The following SLC4A10 variants were observed in gnomAD, a reference collection of about 807,000 sequenced individuals.
The protein encoded by SLC4A10 is sodium-driven chloride bicarbonate exchanger.
SLC4A10 carries 42 observed loss-of-function variants against 137.7 expected under a neutral mutation model. The observed-to-expected ratio is 0.30, with a 90% confidence interval of 0.24 to 0.39. SLC4A10 has a LOEUF of 0.39. Ranked by LOEUF, SLC4A10 falls within the 10% of genes least tolerant of loss-of-function variation. SLC4A10 has a pLI of 1.00. For missense variants in SLC4A10, 925 were observed against 1,355.0 expected, an observed-to-expected ratio of 0.68 and a Z score of 4.98; for synonymous variants, 474 against 464.1, an observed-to-expected ratio of 1.02 and a Z score of -0.27.
At chr2:161,940,599 A>G (rs896779893) in intron 15 of SLC4A10, among the ~76,000 whole-genome samples, 6 of 152,216 alleles carry the variant, frequency 3.9e-5, no homozygotes, top group African/African-American at 1.4e-4. Flanking sequence ...AGCTCTTTGC[A>G]AAGGAACTGA....
In SLC4A10 at chr2:161,660,560, C is replaced by A. The variant is rs150484557; in HGVS notation, c.48+35994C>A. Among the ~76,000 whole-genome samples the A allele has an allele frequency of 1.2e-3, 55 of 47,146 alleles. No homozygotes were observed. In the South Asian group the frequency reaches 0.017, roughly 15 times the overall value. 30.9% of individuals were successfully genotyped at this position (47,146 alleles called of 152,430 possible). ...ATAGTTTGTGTACTCATCTATATTT[C>A]TTTCTTTCTTTCTTTCTTTCTTTCT... On this transcript the variant is annotated intron_variant, in intron 1 of 26. Transcript: ENST00000446997.
chr2:161,734,411 T>C (rs1342895202), intron 1 of SLC4A10, among the ~76,000 whole-genome samples: 1 of 152,192 alleles, frequency 6.6e-6, no homozygotes, highest in East Asian at 1.9e-4. Flanking sequence ...TCTCTCATTT[T>C]TTCTTGCCAC....
intron 3 of SLC4A10, among the ~76,000 whole-genome samples, chr2:161,807,663 T>C (rs1442154466): frequency 1.3e-5 from 2 of 152,184 alleles, no homozygotes; most frequent in Non-Finnish European, 2.9e-5. Context: ...GTATTACTAG[T>C]AGTCTATTTA....
intron 8 of SLC4A10, among the ~76,000 whole-genome samples, chr2:161,878,097 C>A (rs1196215519): frequency 1.3e-5 from 2 of 151,970 alleles, no homozygotes; most frequent in Admixed American, 6.6e-5. Context: ...ATTAAACCTG[C>A]AAAAGAACTA....
At chr2:161,767,740 A>G (rs1016595208) in intron 1 of SLC4A10, among the ~76,000 whole-genome samples, 1 of 151,984 alleles carries the variant, frequency 6.6e-6, no homozygotes, top group African/African-American at 2.4e-5. Context: ...CTTGAAAAGG[A>G]TTTGGAATTT....
intron 1 of SLC4A10, among the ~76,000 whole-genome samples, chr2:161,674,285 G>A (rs1343208132): frequency 6.6e-6 from 1 of 152,002 alleles, no homozygotes; most frequent in Non-Finnish European, 1.5e-5. Flanking sequence ...TCTGTAAATG[G>A]GATAAAAATT....
At chr2:161,950,442 C>T (rs1370317232) in intron 18 of SLC4A10, among the ~76,000 whole-genome samples, 1 of 151,832 alleles carries the variant, frequency 6.6e-6, no homozygotes, top group African/African-American at 2.4e-5. Flanking sequence ...TACTGGATCT[C>T]TCTGTGCCTC....
chr2:161,768,275 C>T (rs931581605), intron 1 of SLC4A10, among the ~76,000 whole-genome samples: 13 of 152,046 alleles, frequency 8.6e-5, no homozygotes, highest in African/African-American at 2.9e-4. Context: ...GACTACCTGA[C>T]ATCCATAAGT....
chr2:161,674,932 C>T (rs1025563967), intron 1 of SLC4A10, among the ~76,000 whole-genome samples: 11 of 152,164 alleles, frequency 7.2e-5, no homozygotes, highest in African/African-American at 2.7e-4. Flanking sequence ...AACCAAACAC[C>T]TTTAAGCATG....
chr2:161,810,382 G>C lies in SLC4A10; in HGVS notation c.277+5787G>C. Among the ~76,000 whole-genome samples, 2 of 151,934 alleles carry C rather than the reference G, an allele frequency of 1.3e-5. 1 individual carries two copies. The highest frequency in any genetic ancestry group is 1.3e-4 in the Admixed American group (2 of 15,232). On this transcript the variant is annotated intron_variant, in intron 3 of 26. Transcript: ENST00000446997. ...TTCTTTCTCTTGCCTGATTGCTCTG[G>C]CTAGGTCTTCCTATACTATGTTAAA...
intron 15 of SLC4A10, among the ~76,000 whole-genome samples, chr2:161,919,385 G>T (rs578077673): frequency 6.6e-6 from 1 of 152,228 alleles, no homozygotes; most frequent in South Asian, 2.1e-4. Flanking sequence ...TGCCAGTTCT[G>T]CAGACTGGAG....
At chr2:161,964,047 A>C in intron 21 of SLC4A10, 88 bp from the exon 22 acceptor site, 1 of 1,213,810 alleles carries the variant, frequency 8.2e-7, no homozygotes, top group Non-Finnish European at 1.1e-6. Flanking sequence ...CATTTAACCC[A>C]AAATTGTGGA....
intron 1 of SLC4A10, among the ~76,000 whole-genome samples, chr2:161,686,496 G>GACAGTTTGACAAT (rs2041420717): frequency 6.6e-6 from 1 of 152,276 alleles, no homozygotes; most frequent in East Asian, 1.9e-4. Flanking sequence ...CTTCTTCAAG[G>GACAGTTTGACAAT]ACAGTTTGAC....
chr2:161,625,447 A>C (rs2032134080), intron 1 of SLC4A10, among the ~76,000 whole-genome samples: 1 of 151,928 alleles, frequency 6.6e-6, no homozygotes, highest in Non-Finnish European at 1.5e-5. Flanking sequence ...TTGATGCAAC[A>C]GAGATGACAG....
chr2:161,844,476 C>T (rs574274036), intron 4 of SLC4A10, among the ~76,000 whole-genome samples: 1 of 152,004 alleles, frequency 6.6e-6, no homozygotes, highest in Admixed American at 6.6e-5. Flanking sequence ...CAGCCATGTC[C>T]CCCAACTATC....
chr2:161,852,545 A>C (rs1010853780), intron 4 of SLC4A10, among the ~76,000 whole-genome samples: 1 of 152,244 alleles, frequency 6.6e-6, no homozygotes. Context: ...ACAGTAGGCA[A>C]TAAAGAAAAC....
At chr2:161,646,250 G>A (rs939968383) in intron 1 of SLC4A10, among the ~76,000 whole-genome samples, 5 of 151,942 alleles carry the variant, frequency 3.3e-5, no homozygotes, top group Non-Finnish European at 4.4e-5. Context: ...TTTATGACTC[G>A]TAGTGATAAC....
At chr2:161,827,380 A>G (rs1026475101) in intron 3 of SLC4A10, among the ~76,000 whole-genome samples, 1 of 152,192 alleles carries the variant, frequency 6.6e-6, no homozygotes, top group Admixed American at 6.5e-5. Context: ...AGCATATGCA[A>G]AACTTATCTT....
Position 161,628,747 on chromosome 2 carries a change from G to A in SLC4A10, c.48+4181G>A, listed in dbSNP as rs184889403. ...TGATTTGAATTGTTACTCTAGCATG[G>A]TGAGTGACTATGGAAATAAAATATA... is the stretch of plus-strand genomic sequence containing the variant. On this transcript the variant is annotated intron_variant, in intron 1 of 26. Coordinates refer to ENST00000446997, the MANE Select transcript of SLC4A10 (RefSeq NM_001178015.2). Among the ~76,000 whole-genome samples the A allele has an allele frequency of 1.4e-3, 214 of 152,126 alleles. 1 individual carries two copies. Among genetic ancestry groups the A allele is most frequent in the African/African-American group, 4.8e-3 (201 of 41,542 alleles).
Sources: gnomAD v4.1 joint callset for allele counts (sites outside exome capture counted in the v4.1 genomes callset) on GRCh38, gnomAD v4.1.1 for gene constraint, MANE v1.5 for transcripts, NCBI Gene and HGNC (gene_info 2026-07-23, HGNC 2026-07-21) for gene names.